CROT: variants seen among roughly 807,000 people sequenced by gnomAD.
The protein encoded by CROT is peroxisomal carnitine O-octanoyltransferase.
Under a neutral mutation model 89.2 loss-of-function variants are expected in CROT, and 84 were observed. The observed-to-expected ratio is 0.94, with a 90% CI of 0.79 to 1.13. The LOEUF (loss-of-function observed/expected upper bound fraction) is 1.13, where lower values mean the gene tolerates loss of function less well. Ranked by LOEUF, CROT falls within the 50% of genes most tolerant of loss-of-function variation. The probability of loss-of-function intolerance (pLI) is 0.00; values close to 1 mark genes in which losing one functional copy is unlikely to be tolerated. For missense variants in CROT, 711 were observed against 727.8 expected (o/e 0.98, Z 0.27); for synonymous variants, 212 against 239.5 (o/e 0.89, Z 1.06).
At chr7:87,376,373 T>C (rs1315715501) in intron 9 of CROT, among the ~76,000 whole-genome samples, 1 of 152,064 alleles carries the variant, frequency 6.6e-6, no homozygotes, top group East Asian at 1.9e-4. Flanking sequence ...TATGTCACCC[T>C]TGTAAGTCAT....
chr7:87,359,667 G>T, intron 4 of CROT: 1 of 1,057,924 alleles, frequency 9.5e-7, no homozygotes, highest in East Asian at 8.6e-5. Context: ...TGACTAGCTT[G>T]AAAAATCAGA....
rs774397438 is a variant in CROT, at chr7:87,398,677, A to G, written c.*33A>G. The G allele has an allele frequency of 1.5e-5, 24 of 1,601,562 alleles. No individual in the cohort carries two copies. The highest frequency in any genetic ancestry group is 1.7e-5 in the Non-Finnish European group (20 of 1,174,052). On this transcript the variant is annotated 3_prime_UTR_variant, in exon 18 of 18. Coordinates refer to ENST00000331536, the MANE Select transcript of CROT (RefSeq NM_021151.4). ...TCATCTATTAAGCACTTACCAAAAC[A>G]TATCATTAAACTGAGTGCTGGGAGT...
Position 87,377,411 on chromosome 7 carries a change from G to T in CROT, c.939G>T (p.Leu313Phe), listed in dbSNP as rs780287160. The T allele has an allele frequency of 3.7e-6, 6 of 1,611,174 alleles. No individual in the cohort carries two copies. Among genetic ancestry groups the T allele is most frequent in the South Asian group, 2.2e-5 (2 of 90,950 alleles). ...GCTGGGGTGACAAATCCTATAACTT[G>T]ATTTCCTTTTCTAATGGAGTATTTG... ...TVRWGDKSYN[L>F]ISFSNGVFGC... The change falls in exon 10 of 18, where the codon TTG becomes TTT. Residue 313 changes from leucine to phenylalanine, a missense_variant. Transcript: ENST00000331536.
chr7:87,355,029 A>G (rs1437341530), intron 3 of CROT, among the ~76,000 whole-genome samples: 1 of 152,190 alleles, frequency 6.6e-6, no homozygotes, highest in Non-Finnish European at 1.5e-5. Flanking sequence ...CTTTAGGACA[A>G]AAATTTACCA....
intron 1 of CROT, 113 bp from the exon 2 acceptor site, chr7:87,346,227 T>C (rs1805670462): frequency 6.6e-6 from 1 of 152,268 alleles, no homozygotes; most frequent in Admixed American, 6.5e-5. Context: ...ACGAAAAGTT[T>C]GTCTTGGGAA....
intron 10 of CROT, 87 bp downstream of exon 10, chr7:87,377,537 T>C: frequency 1.4e-6 from 1 of 737,458 alleles, no homozygotes; most frequent in Non-Finnish European, 2.3e-6. Flanking sequence ...TGGGGAACAG[T>C]GTAAGTGAAT....
intron 10 of CROT, among the ~76,000 whole-genome samples, chr7:87,378,294 A>G (rs258963): frequency 0.87 from 130,909 of 149,896 alleles, 57,339 homozygotes; most frequent in Middle Eastern, 0.94. Flanking sequence ...TGCAGTGAAC[A>G]GTGTTTGGGC....
At chr7:87,379,273 C>T (rs754909819) in intron 10 of CROT, among the ~76,000 whole-genome samples, 1 of 152,190 alleles carries the variant, frequency 6.6e-6, no homozygotes, top group Non-Finnish European at 1.5e-5. Flanking sequence ...TAATATTCAT[C>T]ACACTTTTCC....
intron 6 of CROT, among the ~76,000 whole-genome samples, chr7:87,368,971 T>C (rs936123286): frequency 2.6e-5 from 4 of 152,250 alleles, no homozygotes; most frequent in Non-Finnish European, 4.4e-5. Context: ...ATTACTGCAA[T>C]TAAATTATCT....
intron 7 of CROT, among the ~76,000 whole-genome samples, chr7:87,371,785 G>A (rs1323926788): frequency 6.6e-6 from 1 of 152,044 alleles, no homozygotes; most frequent in Non-Finnish European, 1.5e-5. Context: ...AAGGCCAAGA[G>A]TTGAAGACCA....
chr7:87,354,409 A>C (rs1805992246), intron 3 of CROT: 1 of 518,530 alleles, frequency 1.9e-6, no homozygotes, highest in Admixed American at 1.9e-5. Context: ...AACTGGACCT[A>C]GGAAGAGTAT....
intron 4 of CROT, 69 bp from the exon 5 acceptor site, chr7:87,361,302 CAAATATAGCTTGCTTTTTA>C: frequency 1.6e-6 from 2 of 1,281,762 alleles, no homozygotes; most frequent in East Asian, 4.7e-5. Flanking sequence ...AATTAAAGAA[CAAATATAGCTTGCTTTTTA>C]AAATTCCCAG....
chr7:87,351,091 G>A lies in CROT; in HGVS notation c.115+1908G>A, dbSNP rs573308300. On this transcript the variant is annotated intron_variant, in intron 3 of 17. Coordinates refer to ENST00000331536, the MANE Select transcript of CROT (RefSeq NM_021151.4). ...TGGGAGACTGAGGCAGGTTGATCAC[G>A]GGATCAGGAGATCGAGACCATCCTG... Among the ~76,000 whole-genome samples, 151 of 151,918 alleles carry A rather than the reference G, an allele frequency of 9.9e-4. 1 individual carries two copies. The highest frequency in any genetic ancestry group is 3.5e-3 in the African/African-American group (144 of 41,422).
intron 10 of CROT, among the ~76,000 whole-genome samples, chr7:87,381,614 C>A (rs1281306208): frequency 6.6e-6 from 1 of 152,090 alleles, no homozygotes; most frequent in African/African-American, 2.4e-5. Flanking sequence ...GTAAAAATAG[C>A]AATTAATTTA....
chr7:87,367,987 T>G lies in CROT; in HGVS notation c.548-1389T>G, dbSNP rs568316104. On this transcript the variant is annotated intron_variant, in intron 6 of 17. Transcript: ENST00000331536. The stretch of plus-strand genomic sequence containing the variant: ...GAGACCACATTATCACTCCCTTGCT[T>G]AAAACCATCCATTGGTTTCCTTCCC... Among the ~76,000 whole-genome samples, 104 of 152,330 alleles carry G rather than the reference T, an allele frequency of 6.8e-4. 1 individual carries two copies. The highest frequency in any genetic ancestry group is 5.7e-3 in the Admixed American group (87 of 15,302).
intron 4 of CROT, chr7:87,359,681 A>C: frequency 9.5e-7 from 1 of 1,052,168 alleles, no homozygotes; most frequent in Non-Finnish European, 1.1e-6. Context: ...AATCAGAAAC[A>C]CTAAAATAGA....
At chr7:87,348,996 G>C in intron 2 of CROT, 52 bp from the exon 3 acceptor site, 1 of 737,814 alleles carries the variant, frequency 1.4e-6, no homozygotes, top group Non-Finnish European at 2.3e-6. Context: ...CCTAGGATAC[G>C]TAACACTATC....
intron 4 of CROT, chr7:87,360,045 C>T (rs1050831079): frequency 1.9e-5 from 19 of 980,698 alleles, no homozygotes; most frequent in Non-Finnish European, 2.3e-5. Context: ...TAAAATTTCA[C>T]ACTTCCGGAT....
chr7:87,353,620 C>T (rs1805951088), intron 3 of CROT, among the ~76,000 whole-genome samples: 1 of 152,182 alleles, frequency 6.6e-6, no homozygotes, highest in Non-Finnish European at 1.5e-5. Flanking sequence ...GTGCTGGTAT[C>T]GGCTTCTGGA....
Sources: allele counts gnomAD v4.1 joint callset (sites outside exome capture counted in the v4.1 genomes callset), GRCh38; gene constraint gnomAD v4.1.1; transcripts MANE v1.5; gene names NCBI Gene and HGNC (gene_info 2026-07-23, HGNC 2026-07-21).